Variants in ETV5 observed in about 807,000 individuals in gnomAD.
The protein encoded by ETV5 is ETS translocation variant 5.
A neutral mutation model predicts 70.0 loss-of-function variants in ETV5; 10 were observed. The ratio of observed to expected loss-of-function variants is 0.14; its 90% CI spans 0.09 to 0.24. ETV5 has a LOEUF of 0.24. Among genes scored for constraint, ETV5 ranks in the 10% least tolerant of loss-of-function variants. The pLI, the probability that ETV5 is intolerant of heterozygous loss-of-function variation, is 1.00. For synonymous variants in ETV5, 216 were observed against 242.2 expected, an observed-to-expected ratio of 0.89 and a Z score of 1.01; for missense variants, 453 against 651.2, an observed-to-expected ratio of 0.70 and a Z score of 3.31.
intron 6 of ETV5, chr3:186,080,841 A>G: frequency 2.1e-6 from 1 of 469,518 alleles, no homozygotes. Context: ...TAGAGCCACA[A>G]GGTTTTTAAT....
chr3:186,079,728 G>T (rs1189219413), intron 7 of ETV5, 89 bp downstream of exon 7: 5 of 1,402,926 alleles, frequency 3.6e-6, no homozygotes, highest in Admixed American at 4.8e-5. Context: ...TAGGAACCTG[G>T]TAAATAAGAC....
At chr3:186,108,415 G>T in intron 1 of ETV5, 1 of 902,414 alleles carries the variant, frequency 1.1e-6, no homozygotes, top group Non-Finnish European at 1.6e-6. Context: ...CAAGGCCTGC[G>T]TAAGTTCCTG....
Position 186,048,839 on chromosome 3 carries a change from A to T in ETV5, c.1333T>A (p.Tyr445Asn). 1 of 1,614,090 alleles carries T rather than the reference A, an allele frequency of 6.2e-7. No homozygotes were observed. Among genetic ancestry groups the T allele is most frequent in the Non-Finnish European group, 8.5e-7 (1 of 1,179,998 alleles). ...GCATCTGGGTCACAGACAAATTTGT[A>T]GACGTATCGCTCTCCAGCCACCTGC... is the stretch of plus-strand genomic sequence containing the variant. ...MQKVAGERYV[Y>N]KFVCDPDALF... The change falls in exon 13 of 13, where the codon TAC (tyrosine) becomes AAC (asparagine). Residue 445 changes from tyrosine (Y) to asparagine (N), a missense_variant. By Grantham distance (143) the Tyr-to-Asn change is moderately radical. Transcript: ENST00000306376.
Position 186,105,680 on chromosome 3 carries a change from A to T in ETV5, c.78T>A (p.Pro26=), listed in dbSNP as rs1488789635. 14 of 1,614,232 alleles carry T rather than the reference A, an allele frequency of 8.7e-6. No homozygotes were observed. The highest frequency in any genetic ancestry group is 1.2e-5 in the Non-Finnish European group (14 of 1,180,038). ...KSRSEECRGR[P]VIDRKRKFLD... ...AAAACTTCCTCTTTCTGTCAATCAC[A>T]GGCCGCCCTCTGCATTCCTCAGATC... Residue 26 remains proline, a synonymous_variant, in exon 3 of 13, where the codon CCT becomes CCA. Coordinates refer to ENST00000306376, the MANE Select transcript of ETV5 (RefSeq NM_004454.3). The surrounding 1 kb of genome is among the most constrained non-coding windows in gnomAD (Gnocchi z 4.5).
intron 5 of ETV5, among the ~76,000 whole-genome samples, chr3:186,102,504 G>T (rs1421860273): frequency 6.6e-6 from 1 of 151,806 alleles, no homozygotes; most frequent in South Asian, 2.1e-4. Context: ...ATGGTGGCAG[G>T]TGCCTGTAAT....
intron 9 of ETV5, among the ~76,000 whole-genome samples, chr3:186,062,415 G>A (rs1315000718): frequency 6.6e-6 from 1 of 152,196 alleles, no homozygotes; most frequent in Non-Finnish European, 1.5e-5. Flanking sequence ...GAGGTCAAGA[G>A]ACTGAGACCA....
chr3:186,080,891 T>C (rs920875987), intron 6 of ETV5, 155 bp downstream of exon 6: 1 of 838,302 alleles, frequency 1.2e-6, no homozygotes. Context: ...CCAAGGGGAC[T>C]GGACTACACC....
At chr3:186,107,838 A>C (rs1039952827) in intron 1 of ETV5, among the ~76,000 whole-genome samples, 6 of 151,998 alleles carry the variant, frequency 3.9e-5, no homozygotes, top group Admixed American at 3.3e-4. Context: ...GGCCCCATTC[A>C]CAAAACAAGA....
intron 6 of ETV5, 153 bp downstream of exon 6, chr3:186,080,893 G>T: frequency 1.2e-6 from 1 of 861,634 alleles, no homozygotes. Flanking sequence ...AAGGGGACTG[G>T]ACTACACCCG....
Position 186,048,448 on chromosome 3 carries a change from C to T in ETV5, c.*191G>A, listed in dbSNP as rs1462683199. On this transcript the variant is annotated 3_prime_UTR_variant, in exon 13 of 13. Transcript: ENST00000306376. The stretch of plus-strand genomic sequence containing the variant: ...CTGGCCTTTTGGTGGTTTTCTGCCC[C>T]TCCCTGTTCCCACTCCCCAGCCAAT... 1 of 594,592 alleles carries T rather than the reference C, an allele frequency of 1.7e-6. No individual in the cohort carries two copies. The highest frequency in any genetic ancestry group is 3.0e-6 in the Non-Finnish European group (1 of 335,338). The allele number at this position is 594,592 out of a possible 1,614,324, so 36.8% of individuals were successfully genotyped here.
Position 186,080,108 on chromosome 3 carries a change from T to C in ETV5, c.363-4A>G. 2 of 1,465,384 alleles carry C rather than the reference T, an allele frequency of 1.4e-6. No individual in the cohort carries two copies. The highest frequency in any genetic ancestry group is 1.8e-6 in the Non-Finnish European group (2 of 1,114,398). The allele number at this position is 1,465,384 out of a possible 1,614,324, so 90.8% of individuals were successfully genotyped here. On this transcript the variant is annotated splice_region_variant and splice_polypyrimidine_tract_variant and intron_variant, in intron 6 of 12. Transcript: ENST00000306376. ...GGGAGGCTTCCTATCATAGGCACTG[T>C]AAACAGAAAAAGAGAAGGAACCATT...
rs181367543 is a variant in ETV5 at position 186,063,325 on chromosome 3, C to T, written c.970+1092G>A. Among the ~76,000 whole-genome samples the T allele has an allele frequency of 2.0e-3, 298 of 152,316 alleles. 1 individual carries two copies. Among genetic ancestry groups the T allele is most frequent in the Middle Eastern group, 6.8e-3 (2 of 294 alleles). On this transcript the variant is annotated intron_variant, in intron 9 of 12. Coordinates refer to ENST00000306376, the MANE Select transcript of ETV5 (RefSeq NM_004454.3). ...AAAGCAAGCTCCTCCAAGAAACTGA[C>T]ATTCTAGCTCCATTCTGACCACTTC...
At chr3:186,093,676 G>A (rs564635053) in intron 5 of ETV5, among the ~76,000 whole-genome samples, 2 of 152,290 alleles carry the variant, frequency 1.3e-5, no homozygotes, top group South Asian at 2.1e-4. Context: ...CAGGTTGACC[G>A]GCCCAAGTGT....
chr3:186,106,735 A>G (rs911388510), intron 1 of ETV5, among the ~76,000 whole-genome samples: 11 of 151,786 alleles, frequency 7.2e-5, no homozygotes, highest in African/African-American at 2.7e-4. Context: ...TTCTAGACAT[A>G]CCCCCCCACC....
chr3:186,108,609 A>T (rs1714655465), intron 1 of ETV5: 1 of 1,198,384 alleles, frequency 8.3e-7, no homozygotes, highest in Non-Finnish European at 1.1e-6. Context: ...TCGAATCTCC[A>T]GAGACTGTGA....
intron 7 of ETV5, 127 bp from the exon 8 acceptor site, chr3:186,066,199 G>T: frequency 1.6e-6 from 1 of 608,426 alleles, no homozygotes; most frequent in African/African-American, 2.2e-5. Context: ...GCTTATTTCT[G>T]GGCATTTTAC....
rs368966535 is a variant in ETV5, at chr3:186,105,902, G to A, written c.-34C>T. On this transcript the variant is annotated 5_prime_UTR_variant, in exon 2 of 13. Transcript: ENST00000306376. This position sits in a 1 kb window ranked among gnomAD's most constrained non-coding sequence, Gnocchi z 4.5. ...CAGCGTCTCTAATACCACTTTGAGA[G>A]GTTTCAGCATTGAGTAATTTCTGGG... 5.6e-5 allele frequency: 91 copies of A among 1,611,226 alleles called. No individual in the cohort carries two copies. The highest frequency in any genetic ancestry group is 6.4e-5 in the Non-Finnish European group (75 of 1,178,650).
intron 5 of ETV5, among the ~76,000 whole-genome samples, chr3:186,101,698 CTTCT>C (rs146203152): frequency 0.021 from 3,251 of 152,284 alleles, 48 homozygotes; most frequent in South Asian, 0.04. Flanking sequence ...TTTGTGAGAG[CTTCT>C]TTAAGAATAT....
chr3:186,105,955 T>C lies in ETV5; in HGVS notation c.-74-13A>G. On this transcript the variant is annotated splice_polypyrimidine_tract_variant and intron_variant, in intron 1 of 12. Transcript: ENST00000306376. The surrounding 1 kb of genome is among the most constrained non-coding windows in gnomAD (Gnocchi z 4.5). The stretch of plus-strand genomic sequence containing the variant: ...AAAAGGGATCCTCCTGTAATATGAA[T>C]TTGGGAGATTTTAACTAAGAGGGGG... 1 of 1,528,298 alleles carries C rather than the reference T, an allele frequency of 6.5e-7. No individual in the cohort carries two copies. The highest frequency in any genetic ancestry group is 1.4e-5 in the African/African-American group (1 of 72,970). The allele number at this position is 1,528,298 out of a possible 1,614,324, so 94.7% of individuals were successfully genotyped here.
Sources: allele counts gnomAD v4.1 joint callset (sites outside exome capture counted in the v4.1 genomes callset), GRCh38; gene constraint gnomAD v4.1.1; non-coding constraint Gnocchi (gnomAD v3.1); transcripts MANE v1.5; gene names NCBI Gene and HGNC (gene_info 2026-07-23, HGNC 2026-07-21).